The following ARIH2 variants were observed in gnomAD, a reference collection of about 807,000 sequenced individuals.
The protein encoded by ARIH2 is ariadne RBR E3 ubiquitin protein ligase 2.
ARIH2 carries 12 observed loss-of-function variants against 79.8 expected under a neutral mutation model. The ratio of observed to expected loss-of-function variants is 0.15; its 90% confidence interval spans 0.10 to 0.24. ARIH2 has a LOEUF of 0.24. Ranked by LOEUF, ARIH2 falls within the 10% of genes least tolerant of loss-of-function variation. The pLI, the probability that ARIH2 is intolerant of heterozygous loss-of-function variation, is 1.00. For synonymous variants in ARIH2, 224 were observed against 213.9 expected (o/e 1.05, Z -0.41); for missense variants, 301 against 618.3 (o/e 0.49, Z 5.44).
In ARIH2 at chr3:48,983,606, C is replaced by CAAAAA; in HGVS notation, c.*346_*350dup. ...AACTTTCAAAGGTTGTACAATTATA[C>CAAAAA]AAAAAAAAAAAAAAGGCAAACTATA... is the stretch of plus-strand genomic sequence containing the variant. On this transcript the variant is annotated 3_prime_UTR_variant, in exon 16 of 16. Coordinates refer to ENST00000356401, the MANE Select transcript of ARIH2 (RefSeq NM_006321.4). 6.6e-6 allele frequency: 1 copy of CAAAAA among 150,852 alleles called. No homozygotes were observed. Among genetic ancestry groups the CAAAAA allele is most frequent in the South Asian group, 1.8e-4 (1 of 5,626 alleles). 9.3% of individuals were successfully genotyped at this position (150,852 alleles called of 1,614,324 possible). A position where few individuals can be genotyped will look rare whatever the true frequency, so the allele number is the denominator to read the frequency against.
Position 48,927,547 on chromosome 3 carries a change from C to T in ARIH2, c.-12C>T. The T allele has an allele frequency of 1.2e-6, 2 of 1,610,786 alleles. No individual in the cohort carries two copies. The highest frequency in any genetic ancestry group is 2.7e-5 in the African/African-American group (2 of 74,718). On this transcript the variant is annotated 5_prime_UTR_variant, in exon 3 of 16. Transcript: ENST00000356401. The stretch of plus-strand genomic sequence containing the variant: ...ACTGCTTTCCTGATCTGCAACTTGG[C>T]TGGATGCTAAGATGTCAGTGGACAT...
chr3:48,938,815 T>C (rs1230011671), intron 3 of ARIH2, among the ~76,000 whole-genome samples: 1 of 148,902 alleles, frequency 6.7e-6, no homozygotes, highest in African/African-American at 2.5e-5. Flanking sequence ...CTGATCTGAC[T>C]GATGAATGTT....
rs529440623 is a variant in ARIH2 at position 48,931,659 on chromosome 3, G to A, written c.255+3846G>A. ...TGCCCAGGCTGATCTCAAACTCCTG[G>A]CCTCAAGTGATCCTCCTGCCTCAGC... On this transcript the variant is annotated intron_variant, in intron 3 of 15. Coordinates refer to ENST00000356401, the MANE Select transcript of ARIH2 (RefSeq NM_006321.4). 1.1e-4 allele frequency among the ~76,000 whole-genome samples: 16 copies of A among 152,184 alleles called. No individual in the cohort carries two copies. The East Asian group carries it at 3.1e-3, about 29-fold the overall frequency.
In ARIH2 at chr3:48,983,563, G is replaced by C; in HGVS notation, c.*293G>C. The C allele has an allele frequency of 3.1e-6, 1 of 318,650 alleles. No individual in the cohort carries two copies. The highest frequency in any genetic ancestry group is 5.7e-6 in the Non-Finnish European group (1 of 175,546). The allele number at this position is 318,650 out of a possible 1,614,324, so 19.7% of individuals were successfully genotyped here. A position where few individuals can be genotyped will look rare whatever the true frequency, so the allele number is the denominator to read the frequency against. On this transcript the variant is annotated 3_prime_UTR_variant, in exon 16 of 16. Transcript: ENST00000356401. ...TTCTGAATGGCTATTAATAGTATTAGATCATTACAACTTATGTAACTTTCA... is the reference window on the plus strand; with the variant it reads ...TTCTGAATGGCTATTAATAGTATTACATCATTACAACTTATGTAACTTTCA...
chr3:48,941,052 G>C (rs1444360647), intron 3 of ARIH2, among the ~76,000 whole-genome samples: 1 of 149,080 alleles, frequency 6.7e-6, no homozygotes, highest in Admixed American at 6.7e-5. Flanking sequence ...GGTGGCTGTA[G>C]TCCCAGCTAC....
intron 11 of ARIH2, among the ~76,000 whole-genome samples, chr3:48,977,368 C>T (rs942345943): frequency 1.3e-4 from 19 of 151,798 alleles, no homozygotes; most frequent in African/African-American, 3.6e-4. Context: ...TGCAGTGGTG[C>T]GATCTCGGCT....
intron 3 of ARIH2, among the ~76,000 whole-genome samples, chr3:48,956,439 C>CAT (rs1553709678): frequency 1.1e-4 from 4 of 36,256 alleles, no homozygotes; most frequent in South Asian, 2.4e-3. Flanking sequence ...GCGCCCGGCA[C>CAT]TTTTTTTTTT....
chr3:48,957,637 T>G (rs1261117103), intron 3 of ARIH2, among the ~76,000 whole-genome samples: 1 of 152,188 alleles, frequency 6.6e-6, no homozygotes, highest in Non-Finnish European at 1.5e-5. Context: ...TGGGCCCCAC[T>G]GGGTATGAGA....
chr3:48,958,208 T>C (rs1204090020), intron 3 of ARIH2, among the ~76,000 whole-genome samples: 1 of 152,080 alleles, frequency 6.6e-6, no homozygotes. Context: ...GTAGTCTTAG[T>C]GTCTTGGGAG....
Position 48,970,590 on chromosome 3 carries a change from C to G in ARIH2, c.661-5C>G. 1 of 1,606,686 alleles carries G rather than the reference C, an allele frequency of 6.2e-7. No homozygotes were observed. The highest frequency in any genetic ancestry group is 8.5e-7 in the Non-Finnish European group (1 of 1,173,276). The stretch of plus-strand genomic sequence containing the variant: ...CCTCATTGTTTCCTCTTGGTGTGTT[C>G]ACAGAGTCATTACCAGCTCCAGCTG... On this transcript the variant is annotated splice_polypyrimidine_tract_variant and splice_region_variant and intron_variant, in intron 7 of 15. Transcript: ENST00000356401.
chr3:48,959,348 A>T (rs886192198), intron 3 of ARIH2, among the ~76,000 whole-genome samples: 3 of 151,642 alleles, frequency 2.0e-5, no homozygotes, highest in South Asian at 4.1e-4. Context: ...AAAAATAAAT[A>T]AAAAAGCTGT....
intron 8 of ARIH2, among the ~76,000 whole-genome samples, chr3:48,973,104 G>GGGTA (rs781753230): frequency 2.4e-4 from 37 of 152,200 alleles, no homozygotes; most frequent in Non-Finnish European, 4.6e-4. Context: ...GTATAACTCT[G>GGGTA]GGTAGGTAAA....
At chr3:48,942,504 CT>C (rs2088450497) in intron 3 of ARIH2, among the ~76,000 whole-genome samples, 1 of 151,216 alleles carries the variant, frequency 6.6e-6, no homozygotes, top group Non-Finnish European at 1.5e-5. Context: ...TCTTATTTTC[CT>C]TTTCACTTTT....
chr3:48,925,506 C>T (rs1282762944), intron 2 of ARIH2, among the ~76,000 whole-genome samples: 1 of 151,680 alleles, frequency 6.6e-6, no homozygotes, highest in Non-Finnish European at 1.5e-5. Flanking sequence ...AAGGGATCCT[C>T]TCATCTCAGC....
chr3:48,964,246 A>G (rs2091557858), intron 4 of ARIH2, among the ~76,000 whole-genome samples: 1 of 151,446 alleles, frequency 6.6e-6, no homozygotes, highest in Admixed American at 6.6e-5. Context: ...ACCTCAAGTG[A>G]TTTACCCACC....
chr3:48,924,024 G>A (rs2085216087), intron 2 of ARIH2, among the ~76,000 whole-genome samples: 1 of 152,144 alleles, frequency 6.6e-6, no homozygotes, highest in Non-Finnish European at 1.5e-5. Context: ...CAGTTACTCA[G>A]GAGGCTGAGG....
chr3:48,952,196 G>A (rs2090052237), intron 3 of ARIH2, among the ~76,000 whole-genome samples: 1 of 152,120 alleles, frequency 6.6e-6, no homozygotes, highest in Non-Finnish European at 1.5e-5. Flanking sequence ...TGACACAGGG[G>A]TTCTATAGAA....
At chr3:48,933,402 A>G (rs1210304096) in intron 3 of ARIH2, among the ~76,000 whole-genome samples, 1 of 151,602 alleles carries the variant, frequency 6.6e-6, no homozygotes, top group African/African-American at 2.4e-5. Flanking sequence ...AGTTCAGACA[A>G]TCCACCCACT....
intron 3 of ARIH2, among the ~76,000 whole-genome samples, chr3:48,958,517 C>T (rs372038932): frequency 1.7e-4 from 26 of 151,882 alleles, no homozygotes; most frequent in East Asian, 5.8e-4. Flanking sequence ...CAAGACCAGC[C>T]GGGCCAAGAT....
Sources: gnomAD v4.1 joint callset for allele counts (sites outside exome capture counted in the v4.1 genomes callset) on GRCh38, gnomAD v4.1.1 for gene constraint, MANE v1.5 for transcripts, NCBI Gene and HGNC (gene_info 2026-07-23, HGNC 2026-07-21) for gene names.